Variants in CEMIP observed in about 807,000 individuals in gnomAD.
The protein encoded by CEMIP is cell migration inducing hyaluronidase 1.
Under a neutral mutation model 156.9 loss-of-function variants are expected in CEMIP, and 105 were observed. The observed-to-expected ratio is 0.67, with a 90% CI of 0.57 to 0.79. CEMIP has a LOEUF of 0.79. Ranked by LOEUF, CEMIP falls within the 30% of genes least tolerant of loss-of-function variation. The probability of loss-of-function intolerance (pLI) is 0.00; values close to 1 mark genes in which losing one functional copy is unlikely to be tolerated. For synonymous variants in CEMIP, 676 were observed against 668.4 expected, an observed-to-expected ratio of 1.01 and a Z score of -0.17; for missense variants, 1,457 against 1,769.4, an observed-to-expected ratio of 0.82 and a Z score of 3.17.
chr15:80,946,832 T>C, intron 28 of CEMIP, 133 bp from the exon 29 acceptor site: 6 of 711,786 alleles, frequency 8.4e-6, no homozygotes, highest in Non-Finnish European at 1.6e-5. Flanking sequence ...AGGCTGCCCT[T>C]TCCCGAATCC....
rs115684734 is a variant in CEMIP at position 80,937,171 on chromosome 15, G to A, written c.3221+286G>A. 6.7e-3 allele frequency among the ~76,000 whole-genome samples: 1,027 copies of A among 152,342 alleles called. 15 individuals carry two copies. The highest frequency in any genetic ancestry group is 0.024 in the African/African-American group (983 of 41,580). Reference sequence around the variant, plus strand: ...TTGCAGGAGTGCAATGAGGACCCAAGGAGATAAGGTATGGCGGGCACCCAG... The same window carrying A: ...TTGCAGGAGTGCAATGAGGACCCAAAGAGATAAGGTATGGCGGGCACCCAG... On this transcript the variant is annotated intron_variant, in intron 24 of 29. Coordinates refer to ENST00000394685, the MANE Select transcript of CEMIP (RefSeq NM_001293298.2).
Position 80,827,886 on chromosome 15 carries a change from G to A in CEMIP, c.-175-45652G>A, listed in dbSNP as rs554634456. 6.4e-4 allele frequency among the ~76,000 whole-genome samples: 98 copies of A among 152,230 alleles called. 1 individual carries two copies. In the South Asian group the frequency reaches 0.02, roughly 31 times the overall value. The stretch of plus-strand genomic sequence containing the variant: ...AGTTTATCAGTTTGGCATTCCTGTA[G>A]CAAATCTAAATTATCCCCATCTCCC... On this transcript the variant is annotated intron_variant, in intron 1 of 29. Coordinates refer to ENST00000394685, the MANE Select transcript of CEMIP (RefSeq NM_001293298.2).
At chr15:80,897,239 A>T (rs1162312066) in intron 12 of CEMIP, 2 of 455,934 alleles carry the variant, frequency 4.4e-6, no homozygotes, top group Admixed American at 4.7e-5. Flanking sequence ...GAGAAAGCGT[A>T]TCCAATATAC....
chr15:80,884,231 C>T lies in CEMIP; in HGVS notation c.674C>T (p.Ala225Val), dbSNP rs202049796. Residue 225 changes from alanine to valine, a missense_variant, in exon 7 of 30, where the codon GCG becomes GTG. Physicochemically the swap from Ala to Val is moderately conservative, Grantham distance 64. Coordinates refer to ENST00000394685, the MANE Select transcript of CEMIP (RefSeq NM_001293298.2). ...GAACGTCTGGTCCAGTATTTGAACG[C>T]GGTGCCCGATGGCAGGATCCTTTCT... ...ESERLVQYLNAVPDGRILSVA... is the reference protein window; with the variant it reads ...ESERLVQYLNVVPDGRILSVA... 65 of 1,614,184 alleles carry T rather than the reference C, an allele frequency of 4.0e-5. No individual in the cohort carries two copies. Among genetic ancestry groups the T allele is most frequent in the African/African-American group, 2.7e-4 (20 of 75,050 alleles).
At chr15:80,880,289 C>T (rs1172629710) in intron 5 of CEMIP, among the ~76,000 whole-genome samples, 1 of 152,168 alleles carries the variant, frequency 6.6e-6, no homozygotes, top group Non-Finnish European at 1.5e-5. Context: ...CAGGTGATTC[C>T]ACATCTGATA....
chr15:80,913,305 C>A (rs988917029), intron 14 of CEMIP, among the ~76,000 whole-genome samples: 2 of 152,244 alleles, frequency 1.3e-5, no homozygotes, highest in Non-Finnish European at 2.9e-5. Context: ...ACAAATGTGG[C>A]CTTCTCAACT....
intron 1 of CEMIP, among the ~76,000 whole-genome samples, chr15:80,828,122 T>C (rs987212081): frequency 4.6e-5 from 7 of 152,250 alleles, no homozygotes; most frequent in African/African-American, 1.7e-4. Flanking sequence ...CTCACGCCTA[T>C]AATCCTAGCA....
In CEMIP at chr15:80,926,633, CT is replaced by C. The variant is rs1314978655; in HGVS notation, c.2420+880del. Among the ~76,000 whole-genome samples, 74 of 152,070 alleles carry C rather than the reference CT, an allele frequency of 4.9e-4. 1 individual carries two copies. Among genetic ancestry groups the C allele is most frequent in the African/African-American group, 1.6e-3 (68 of 41,450 alleles). Reference sequence around the variant, plus strand: ...ATGCAGAGATCTGGGGAGAAACTGACTTAGCATTGGAGCCCCAGGAAGATGC... The same window carrying C: ...ATGCAGAGATCTGGGGAGAAACTGACTAGCATTGGAGCCCCAGGAAGATGC... On this transcript the variant is annotated intron_variant, in intron 19 of 29. Transcript: ENST00000394685.
chr15:80,900,608 G>C (rs1024351318), intron 12 of CEMIP, among the ~76,000 whole-genome samples: 1 of 139,236 alleles, frequency 7.2e-6, no homozygotes, highest in African/African-American at 2.8e-5. Flanking sequence ...GTGTGTGTGT[G>C]TGTGTGTGTG....
chr15:80,848,924 A>ACACACC (rs1377504083), intron 1 of CEMIP, among the ~76,000 whole-genome samples: 38 of 144,106 alleles, frequency 2.6e-4, no homozygotes, highest in Non-Finnish European at 4.4e-4. Context: ...ACACACACAC[A>ACACACC]CACCCTGGCT....
intron 5 of CEMIP, among the ~76,000 whole-genome samples, chr15:80,880,263 A>G (rs1469657369): frequency 6.6e-6 from 1 of 152,228 alleles, no homozygotes; most frequent in Non-Finnish European, 1.5e-5. Flanking sequence ...ATGCACAAGG[A>G]TATGCAGCGC....
Position 80,888,428 on chromosome 15 carries a change from C to G in CEMIP, c.869-273C>G, listed in dbSNP as rs1029390252. Among the ~76,000 whole-genome samples, 5 of 152,122 alleles carry G rather than the reference C, an allele frequency of 3.3e-5. No individual in the cohort carries two copies. In the South Asian group the frequency reaches 8.3e-4, roughly 25 times the overall value. On this transcript the variant is annotated intron_variant, in intron 8 of 29. Coordinates refer to ENST00000394685, the MANE Select transcript of CEMIP (RefSeq NM_001293298.2). ...GCGGGAAGCGCTGCAGTTCTAATGCCAAGGAGGAATTCAGACCGTGAGACA... is the reference window on the plus strand; with the variant it reads ...GCGGGAAGCGCTGCAGTTCTAATGCGAAGGAGGAATTCAGACCGTGAGACA...
rs1899794510 is a variant in CEMIP, at chr15:80,906,190, G to A, written c.1412-473G>A. On this transcript the variant is annotated intron_variant, in intron 12 of 29. Coordinates refer to ENST00000394685, the MANE Select transcript of CEMIP (RefSeq NM_001293298.2). This position sits in a 1 kb window ranked among gnomAD's most constrained non-coding sequence, Gnocchi z 4.3. ...GAGACCAGGTTTCTTCTCTCCCGTT[G>A]CTCTGCCATCTCTGGGGCATGGTGC... Among the ~76,000 whole-genome samples the A allele has an allele frequency of 6.6e-6, 1 of 152,228 alleles. No homozygotes were observed. The highest frequency in any genetic ancestry group is 2.1e-4 in the South Asian group (1 of 4,836).
At chr15:80,896,180 C>A in intron 12 of CEMIP, 120 bp downstream of exon 12, 1 of 1,017,906 alleles carries the variant, frequency 9.8e-7, no homozygotes, top group Non-Finnish European at 1.5e-6. Context: ...TGCTGCATAA[C>A]AAAAAAAATC....
chr15:80,838,241 C>T (rs1897309424), intron 1 of CEMIP, among the ~76,000 whole-genome samples: 1 of 152,188 alleles, frequency 6.6e-6, no homozygotes, highest in African/African-American at 2.4e-5. Context: ...ACCCAGCTGG[C>T]TGGAGCAACG....
intron 7 of CEMIP, among the ~76,000 whole-genome samples, chr15:80,886,419 T>C (rs1280012828): frequency 6.6e-6 from 1 of 152,182 alleles, no homozygotes; most frequent in Non-Finnish European, 1.5e-5. Flanking sequence ...AAGTGGACAG[T>C]TAAATCCCCA....
In CEMIP at chr15:80,928,991, T is replaced by C. The variant is rs780560263; in HGVS notation, c.2457-28T>C. 3 of 1,614,218 alleles carry C rather than the reference T, an allele frequency of 1.9e-6. No individual in the cohort carries two copies. The South Asian group carries it at 3.3e-5, about 18-fold the overall frequency. On this transcript the variant is annotated intron_variant, in intron 20 of 29. Coordinates refer to ENST00000394685, the MANE Select transcript of CEMIP (RefSeq NM_001293298.2). ...CTCTGTGGGATCTTGTCTCTGGGCA[T>C]CTCACCTTAAACATCTTCTCTCTAC...
At chr15:80,860,560 C>A (rs1276951118) in intron 1 of CEMIP, among the ~76,000 whole-genome samples, 1 of 152,232 alleles carries the variant, frequency 6.6e-6, no homozygotes, top group Admixed American at 6.5e-5. Context: ...ACTGAAAACA[C>A]CACACCCAGT....
chr15:80,832,216 T>G (rs1167342835), intron 1 of CEMIP, among the ~76,000 whole-genome samples: 1 of 152,228 alleles, frequency 6.6e-6, no homozygotes, highest in Non-Finnish European at 1.5e-5. Context: ...TGAATTTATA[T>G]TGCTACAGCC....
Sources: gnomAD v4.1 joint callset for allele counts (sites outside exome capture counted in the v4.1 genomes callset) on GRCh38, gnomAD v4.1.1 for gene constraint, Gnocchi (gnomAD v3.1) non-coding constraint, MANE v1.5 for transcripts, NCBI Gene and HGNC (gene_info 2026-07-23, HGNC 2026-07-21) for gene names.